Variants in TRIM37 observed in about 807,000 individuals in gnomAD.
TRIM37 encodes the protein E3 ubiquitin-protein ligase TRIM37.
In TRIM37, 80 loss-of-function variants were observed where a neutral mutation model predicts 129.8. The ratio of observed to expected loss-of-function variants is 0.62; its 90% CI spans 0.51 to 0.74. The LOEUF (loss-of-function observed/expected upper bound fraction) is 0.74, where lower values mean the gene tolerates loss of function less well. Ranked by LOEUF, TRIM37 falls within the 30% of genes least tolerant of loss-of-function variation. TRIM37 has a pLI of 0.00. For synonymous variants in TRIM37, 389 were observed against 387.1 expected, an observed-to-expected ratio of 1.00 and a Z score of -0.06; for missense variants, 1,054 against 1,176.5, an observed-to-expected ratio of 0.90 and a Z score of 1.52.
At chr17:58,977,971 G>A (rs542883899), downstream of TRIM37, among the ~76,000 whole-genome samples, 2 of 152,176 alleles carry the variant, frequency 1.3e-5, no homozygotes, top group Non-Finnish European at 2.9e-5. Flanking sequence ...TCGTACTCCC[G>A]ACCTCAAGTA....
intron 3 of TRIM37, among the ~76,000 whole-genome samples, chr17:59,088,670 T>C (rs1366255648): frequency 1.3e-5 from 2 of 151,848 alleles, no homozygotes; most frequent in Non-Finnish European, 2.9e-5. Context: ...CAGCACACCA[T>C]CAAACCCAGC....
intron 17 of TRIM37, among the ~76,000 whole-genome samples, chr17:59,035,214 T>G (rs2038329797): frequency 6.6e-6 from 1 of 151,822 alleles, no homozygotes; most frequent in Non-Finnish European, 1.5e-5. Flanking sequence ...CGTGCGCCAT[T>G]GCACCAAGCT....
chr17:59,091,416 T>A, intron 2 of TRIM37, 76 bp from the exon 3 acceptor site: 7 of 298,648 alleles, frequency 2.3e-5, no homozygotes, highest in Non-Finnish European at 3.9e-5. Context: ...ATTTTATATT[T>A]ATATATAATA....
chr17:59,085,095 C>T (rs991413946), intron 4 of TRIM37, among the ~76,000 whole-genome samples: 2 of 152,110 alleles, frequency 1.3e-5, no homozygotes, highest in Non-Finnish European at 2.9e-5. Flanking sequence ...GAGGCCAAGG[C>T]GGGTGGAACA....
intron 22 of TRIM37, among the ~76,000 whole-genome samples, chr17:59,007,158 A>AACACACACACACAC (rs540872393): frequency 3.6e-4 from 3 of 8,350 alleles, no homozygotes; most frequent in Non-Finnish European, 5.8e-4. Flanking sequence ...CCCACCCTCC[A>AACACACACACACAC]ACACACACAC....
chr17:59,103,717 G>A (rs553308856), intron 2 of TRIM37, among the ~76,000 whole-genome samples: 1 of 147,176 alleles, frequency 6.8e-6, no homozygotes, highest in African/African-American at 2.5e-5. Flanking sequence ...GCGCTCTCTC[G>A]GCTCACTGCA....
rs1446901610 is a variant in TRIM37, at chr17:59,088,350, T to C, written c.222A>G (p.Gln74=). ...TGCAGAGTTGAAGAGTATCAAGCTGTTGTGTTACTTCTTCTGCCCAACGAC... is the reference window on the plus strand; with the variant it reads ...TGCAGAGTTGAAGAGTATCAAGCTGCTGTGTTACTTCTTCTGCCCAACGAC... ...VNCRWAEEVT[Q]QLDTLQLCSL... Residue 74 remains glutamine (Q), a synonymous_variant, in exon 4 of 24, where the codon CAA becomes CAG. Coordinates refer to ENST00000262294, the MANE Select transcript of TRIM37 (RefSeq NM_015294.6). The C allele has an allele frequency of 6.2e-7, 1 of 1,613,920 alleles. No homozygotes were observed. The highest frequency in any genetic ancestry group is 1.1e-5 in the South Asian group (1 of 91,066).
intron 8 of TRIM37, among the ~76,000 whole-genome samples, chr17:59,075,201 A>G (rs2042698983): frequency 6.6e-6 from 1 of 152,272 alleles, no homozygotes; most frequent in South Asian, 2.1e-4. Context: ...AATCTCCATT[A>G]TAACACAAAA....
chr17:59,001,737 T>C (rs1352070018), intron 22 of TRIM37, 23 bp from the exon 23 acceptor site: 2 of 1,613,360 alleles, frequency 1.2e-6, no homozygotes, highest in Non-Finnish European at 1.7e-6. Context: ...AAGGAGAACA[T>C]GTTTCTGAAA....
At chr17:59,024,514 T>C (rs1238952628) in intron 19 of TRIM37, among the ~76,000 whole-genome samples, 1 of 152,128 alleles carries the variant, frequency 6.6e-6, no homozygotes, top group Non-Finnish European at 1.5e-5. Context: ...GCTGAAAAGA[T>C]CTCAATTGCC....
chr17:59,106,521 G>A lies in TRIM37; in HGVS notation c.-60C>T. On this transcript the variant is annotated 5_prime_UTR_variant, in exon 1 of 24. Transcript: ENST00000262294. ...GCAGGCTCCGCAGTCTGACCTCTTA[G>A]GCGCCGGCCCGAGGTCGCCAGATCA... 1.2e-6 allele frequency: 2 copies of A among 1,607,708 alleles called. No homozygotes were observed. The highest frequency in any genetic ancestry group is 1.3e-5 in the African/African-American group (1 of 74,816).
intron 16 of TRIM37, among the ~76,000 whole-genome samples, chr17:59,046,129 T>C (rs535775308): frequency 6.6e-6 from 1 of 152,240 alleles, no homozygotes; most frequent in South Asian, 2.1e-4. Flanking sequence ...ATAATGGAAT[T>C]AGAAAAACAC....
rs757533526 is a variant in TRIM37 at position 59,041,796 on chromosome 17, T to G, written c.1753+17A>C. On this transcript the variant is annotated intron_variant, in intron 17 of 23. Coordinates refer to ENST00000262294, the MANE Select transcript of TRIM37 (RefSeq NM_015294.6). ...AGAAAACAGAATGGCTTGGAGGCAGTGGAGTGACCTCATTACCTGCGGGTC... is the reference window on the plus strand; with the variant it reads ...AGAAAACAGAATGGCTTGGAGGCAGGGGAGTGACCTCATTACCTGCGGGTC... 2 of 1,597,666 alleles carry G rather than the reference T, an allele frequency of 1.3e-6. No homozygotes were observed. The highest frequency in any genetic ancestry group is 2.7e-5 in the African/African-American group (2 of 74,620).
intron 19 of TRIM37, among the ~76,000 whole-genome samples, chr17:59,025,847 G>A (rs143297729): frequency 1.1e-3 from 165 of 152,168 alleles, no homozygotes; most frequent in Non-Finnish European, 1.5e-3. Context: ...ATACCATTTG[G>A]TTTAATATAC....
chr17:59,060,073 T>C lies in TRIM37; in HGVS notation c.1019+959A>G, dbSNP rs547075414. 2.6e-5 allele frequency among the ~76,000 whole-genome samples: 4 copies of C among 152,346 alleles called. No individual in the cohort carries two copies. In the East Asian group the frequency reaches 7.7e-4, roughly 29 times the overall value. Reference sequence around the variant, plus strand: ...TTACGGATCTCTAGACTTCAGTCTCTGCAGCTTTCTCCTCTCTGGTATTTT... The same window carrying C: ...TTACGGATCTCTAGACTTCAGTCTCCGCAGCTTTCTCCTCTCTGGTATTTT... On this transcript the variant is annotated intron_variant, in intron 12 of 23. Coordinates refer to ENST00000262294, the MANE Select transcript of TRIM37 (RefSeq NM_015294.6).
At chr17:58,996,911 A>G (rs148915685), downstream of TRIM37, among the ~76,000 whole-genome samples, 10 of 152,116 alleles carry the variant, frequency 6.6e-5, no homozygotes, top group African/African-American at 2.4e-4. Flanking sequence ...GCATAACCTC[A>G]ATTTAATATA....
intron 19 of TRIM37, among the ~76,000 whole-genome samples, chr17:59,020,364 T>C (rs1275283645): frequency 7.3e-6 from 1 of 137,764 alleles, no homozygotes; most frequent in East Asian, 2.3e-4. Flanking sequence ...AATTAGCAAA[T>C]CCCTTGAGCA....
intron 19 of TRIM37, among the ~76,000 whole-genome samples, chr17:59,019,752 T>C (rs1268291013): frequency 6.7e-6 from 1 of 149,276 alleles, no homozygotes; most frequent in African/African-American, 2.5e-5. Context: ...AGGGAAAAAG[T>C]AGATTAGTGG....
intron 17 of TRIM37, among the ~76,000 whole-genome samples, chr17:59,037,752 A>G (rs1229551750): frequency 6.6e-6 from 1 of 152,056 alleles, no homozygotes; most frequent in Admixed American, 6.6e-5. Flanking sequence ...TATATTATTA[A>G]CTAAATCCTA....
Sources: gnomAD v4.1 joint callset for allele counts (sites outside exome capture counted in the v4.1 genomes callset) on GRCh38, gnomAD v4.1.1 for gene constraint, MANE v1.5 for transcripts, NCBI Gene and HGNC (gene_info 2026-07-23, HGNC 2026-07-21) for gene names.